The following FLT3 variants were observed in gnomAD, a reference collection of about 807,000 sequenced individuals.
FLT3 encodes fms related receptor tyrosine kinase 3, also known as receptor-type tyrosine-protein kinase FLT3.
A neutral mutation model predicts 126.6 loss-of-function variants in FLT3; 46 were observed. The ratio of observed to expected loss-of-function variants is 0.36; its 90% CI spans 0.29 to 0.46. The LOEUF (loss-of-function observed/expected upper bound fraction) is 0.46. Among genes scored for constraint, FLT3 ranks in the 20% least tolerant of loss-of-function variants. The probability of loss-of-function intolerance (pLI) is 1.00; values close to 1 mark genes in which losing one functional copy is unlikely to be tolerated. For missense variants in FLT3, 1,069 were observed against 1,190.3 expected (o/e 0.90, Z 1.50); for synonymous variants, 404 against 434.4 (o/e 0.93, Z 0.87).
intron 8 of FLT3, 134 bp downstream of exon 8, chr13:28,049,250 T>G (rs144540453): frequency 8.0e-6 from 7 of 870,788 alleles, no homozygotes; most frequent in Non-Finnish European, 1.3e-5. Flanking sequence ...TTTGCAAAGC[T>G]ATTCTAACTC....
intron 4 of FLT3, 82 bp from the exon 5 acceptor site, chr13:28,052,756 T>C (rs1465451246): frequency 2.0e-6 from 2 of 990,708 alleles, no homozygotes; most frequent in Non-Finnish European, 3.0e-6. Flanking sequence ...TTCTATGTCA[T>C]TATGAAAAGT....
At chr13:28,008,606 A>G (rs1397131856) in intron 23 of FLT3, among the ~76,000 whole-genome samples, 1 of 151,904 alleles carries the variant, frequency 6.6e-6, no homozygotes, top group Admixed American at 6.6e-5. Flanking sequence ...CAGCCTCCCA[A>G]GTAGCTGGGA....
chr13:28,093,124 C>T (rs1365790104), intron 1 of FLT3, among the ~76,000 whole-genome samples: 2 of 151,638 alleles, frequency 1.3e-5, no homozygotes, highest in African/African-American at 4.8e-5. Context: ...TGGGGTTTTG[C>T]CATGTTGCCC....
chr13:28,090,494 C>T (rs1878964497), intron 1 of FLT3, among the ~76,000 whole-genome samples: 1 of 152,040 alleles, frequency 6.6e-6, no homozygotes, highest in African/African-American at 2.4e-5. Context: ...TTTTAAAAAG[C>T]TGGCCAGATG....
At chr13:28,004,584 A>G (rs912711779) in intron 23 of FLT3, among the ~76,000 whole-genome samples, 1 of 152,198 alleles carries the variant, frequency 6.6e-6, no homozygotes, top group African/African-American at 2.4e-5. Flanking sequence ...CTGCGATTAC[A>G]GGTGTGAGCC....
At chr13:28,031,008 C>T (rs1047486013) in intron 15 of FLT3, among the ~76,000 whole-genome samples, 6 of 152,036 alleles carry the variant, frequency 3.9e-5, no homozygotes, top group East Asian at 1.9e-4. Flanking sequence ...AGGCGGATCA[C>T]GAGGTCAGGA....
At chr13:28,067,109 G>C (rs9554234) in intron 2 of FLT3, among the ~76,000 whole-genome samples, 10 of 152,192 alleles carry the variant, frequency 6.6e-5, no homozygotes, top group African/African-American at 2.4e-4. Context: ...CGCAACCTCC[G>C]CCTCTGGGGT....
chr13:28,096,674 T>C (rs1239039132), intron 1 of FLT3, among the ~76,000 whole-genome samples: 1 of 152,082 alleles, frequency 6.6e-6, no homozygotes, highest in Non-Finnish European at 1.5e-5. Flanking sequence ...TCAAGTGATC[T>C]GCCTGCCTCA....
rs370451886 is a variant in FLT3, at chr13:28,014,403, T to C, written c.2859+49A>G. On this transcript the variant is annotated intron_variant, in intron 23 of 23. Transcript: ENST00000241453. ...AGGAAGACAGCAACAAGTGTTTTAA[T>C]TTACCAATTTCCTTTGTAAAGCTTT... 362 of 1,321,010 alleles carry C rather than the reference T, an allele frequency of 2.7e-4. No homozygotes were observed. Among genetic ancestry groups the C allele is most frequent in the Non-Finnish European group, 3.4e-4 (307 of 915,940 alleles). 81.8% of individuals were successfully genotyped at this position (1,321,010 alleles called of 1,614,324 possible). A position where few individuals can be genotyped will look rare whatever the true frequency, so the allele number is the denominator to read the frequency against.
At chr13:28,004,570 A>C (rs2137579712) in intron 23 of FLT3, among the ~76,000 whole-genome samples, 1 of 152,224 alleles carries the variant, frequency 6.6e-6, no homozygotes, top group South Asian at 2.1e-4. Context: ...GGCCTCCCAA[A>C]GTGCTGCGAT....
chr13:28,011,688 T>TTCCCTCC (rs1871386575), intron 23 of FLT3, among the ~76,000 whole-genome samples: 2 of 109,182 alleles, frequency 1.8e-5, no homozygotes, highest in Admixed American at 2.0e-4. Context: ...TCCCTCCTCC[T>TTCCCTCC]TCCTTCCTTT....
At chr13:28,055,835 G>T (rs930464322) in intron 4 of FLT3, among the ~76,000 whole-genome samples, 3 of 152,094 alleles carry the variant, frequency 2.0e-5, no homozygotes, top group Non-Finnish European at 4.4e-5. Context: ...AACAAGAAAC[G>T]TCCTAGCTTC....
chr13:28,052,615 G>A lies in FLT3; in HGVS notation c.544C>T (p.Leu182=), dbSNP rs2137740786. 1 of 1,613,398 alleles carries A rather than the reference G, an allele frequency of 6.2e-7. No individual in the cohort carries two copies. The highest frequency in any genetic ancestry group is 8.5e-7 in the Non-Finnish European group (1 of 1,179,416). Residue 182 remains leucine (L), a synonymous_variant, in exon 5 of 24, where the codon CTG becomes TTG. Coordinates refer to ENST00000241453, the MANE Select transcript of FLT3 (RefSeq NM_004119.3). ...YFRKMENQDA[L]VCISESVPEP... ...GGAACGCTCTCAGATATGCAGACCAGGGCGTCCTGGTTTTCCATTTTTCTA... is the reference window on the plus strand; with the variant it reads ...GGAACGCTCTCAGATATGCAGACCAAGGCGTCCTGGTTTTCCATTTTTCTA...
chr13:28,011,326 G>A (rs1372198238), intron 23 of FLT3, among the ~76,000 whole-genome samples: 1 of 147,022 alleles, frequency 6.8e-6, no homozygotes, highest in East Asian at 2.0e-4. Flanking sequence ...AAAGAAAAGA[G>A]GAGAGGAGAG....
At chr13:28,097,926 A>T (rs1409471818) in intron 1 of FLT3, among the ~76,000 whole-genome samples, 6 of 152,216 alleles carry the variant, frequency 3.9e-5, no homozygotes, top group Admixed American at 1.3e-4. Flanking sequence ...TCTGTCCAGT[A>T]TCAGCAGATA....
At chr13:28,043,082 C>T (rs1289939626) in intron 9 of FLT3, among the ~76,000 whole-genome samples, 2 of 151,776 alleles carry the variant, frequency 1.3e-5, no homozygotes, top group Non-Finnish European at 2.9e-5. Flanking sequence ...CTTAGATTCA[C>T]AGAGTTGGAA....
chr13:28,034,104 A>G lies in FLT3; in HGVS notation c.1815T>C (p.Phe605=), dbSNP rs61729139. 1,578 of 1,613,754 alleles carry G rather than the reference A, an allele frequency of 9.8e-4. 11 individuals carry two copies. The African/African-American group carries it at 0.015, about 16-fold the overall frequency. The change falls in exon 14 of 24, where the codon TTT becomes TTC. Residue 605 remains phenylalanine (F), a synonymous_variant. Coordinates refer to ENST00000241453, the MANE Select transcript of FLT3 (RefSeq NM_004119.3). Reference sequence around the variant, plus strand: ...TACCAAACTCTAAATTTTCTCTTGGAAACTCCCATTTGAGATCATATTCAT... The same window carrying G: ...TACCAAACTCTAAATTTTCTCTTGGGAACTCCCATTTGAGATCATATTCAT... ...REYEYDLKWE[F]PRENLEFGKV... is the part of the protein sequence containing the mutation.
chr13:28,074,561 C>T (rs1182611001), intron 1 of FLT3, among the ~76,000 whole-genome samples: 2 of 152,176 alleles, frequency 1.3e-5, no homozygotes, highest in Non-Finnish European at 2.9e-5. Flanking sequence ...GTCACATCCT[C>T]GCTAACATTT....
chr13:28,050,432 C>T (rs1338206473), intron 5 of FLT3, among the ~76,000 whole-genome samples: 1 of 151,910 alleles, frequency 6.6e-6, no homozygotes, highest in East Asian at 1.9e-4. Flanking sequence ...TAGCATAACA[C>T]TAAGGAGAAT....
Sources: allele counts gnomAD v4.1 joint callset (sites outside exome capture counted in the v4.1 genomes callset), GRCh38; gene constraint gnomAD v4.1.1; transcripts MANE v1.5; gene names NCBI Gene and HGNC (gene_info 2026-07-23, HGNC 2026-07-21).